The following C3orf52 variants were observed in gnomAD, a reference collection of about 807,000 sequenced individuals.
C3orf52 encodes the protein TPA-induced transmembrane protein.
In C3orf52, 22 loss-of-function variants were observed where a neutral mutation model predicts 24.8. That is an observed-to-expected ratio of 0.89 (90% CI 0.63 to 1.27). The LOEUF is 1.27. Ranked by LOEUF, C3orf52 falls within the 50% of genes most tolerant of loss-of-function variation. C3orf52 has a pLI of 0.00. For missense variants in C3orf52, 265 were observed against 260.7 expected (o/e 1.02, Z -0.11); for synonymous variants, 93 against 100.2 (o/e 0.93, Z 0.43).
rs1046734226 is a variant in C3orf52, at chr3:112,104,878, G to C, written c.396+1913G>C. Among the ~76,000 whole-genome samples the C allele has an allele frequency of 4.6e-5, 7 of 151,934 alleles. 1 individual carries two copies. The highest frequency in any genetic ancestry group is 4.6e-4 in the Admixed American group (7 of 15,254). On this transcript the variant is annotated intron_variant, in intron 3 of 5. Coordinates refer to ENST00000264848, the MANE Select transcript of C3orf52 (RefSeq NM_024616.3). ...TCCTTTCCTTCCACCTGCTTCCTGG[G>C]GCAAGTTGCTGAGTGAGACGCTTCT...
chr3:112,116,908 T>C lies in C3orf52; in HGVS notation c.*262T>C, dbSNP rs1351338297. 4.6e-6 allele frequency: 7 copies of C among 1,537,106 alleles called. No homozygotes were observed. The highest frequency in any genetic ancestry group is 6.1e-6 in the Non-Finnish European group (7 of 1,146,806). On this transcript the variant is annotated 3_prime_UTR_variant, in exon 6 of 6. Transcript: ENST00000264848. ...GGGTGGGGGCGATAGGGTCAGCGGG[T>C]ATGTCCCACTGTTGGAGGTCACTGG...
Position 112,123,427 on chromosome 3 carries a change from CT to C in C3orf52, c.*46+3866del, listed in dbSNP as rs571523011. The C allele has an allele frequency of 7.8e-4, 1,258 of 1,602,578 alleles. 16 individuals carry two copies. In the South Asian group the frequency reaches 0.013, roughly 17 times the overall value. On this transcript the variant is annotated intron_variant, in intron 4 of 4. Coordinates refer to the C3orf52 transcript ENST00000480282. ...CCATCCCACCTTTTATTTGTTGGTG[CT>C]AAACAAATGCTAGTCCAGCCACTTC...
At chr3:112,127,673 A>G (rs551535475) in intron 4 of C3orf52, among the ~76,000 whole-genome samples, 1 of 151,994 alleles carries the variant, frequency 6.6e-6, no homozygotes, top group Non-Finnish European at 1.5e-5. Flanking sequence ...TTATACTATC[A>G]CCCCGACTAT....
chr3:112,109,990 G>A (rs1033476126), intron 4 of C3orf52, among the ~76,000 whole-genome samples: 3 of 152,158 alleles, frequency 2.0e-5, no homozygotes, highest in Non-Finnish European at 4.4e-5. Context: ...TTGCTTTTGA[G>A]GAGCACAAGT....
At chr3:112,105,539 CGTGTGTGTGTGTGTGT>C (rs3082397) in intron 3 of C3orf52, among the ~76,000 whole-genome samples, 2 of 148,140 alleles carry the variant, frequency 1.4e-5, no homozygotes, top group African/African-American at 5.0e-5. Flanking sequence ...CTTCTTTGGC[CGTGTGTGTGTGTGTGT>C]GTGTGTGTGT....
In C3orf52 at chr3:112,113,034, T is replaced by C; in HGVS notation, c.538T>C (p.Tyr180His). ...ATCAGATGATGAAAATTTTATGAAG[T>C]ATATGATGAGTGAGGAGTTGGTGCT... is the stretch of plus-strand genomic sequence containing the variant. ...VPSDDENFMK[Y>H]MMSEELVLGI... The change falls in exon 5 of 6, where the codon TAT (tyrosine) becomes CAT (histidine). Residue 180 changes from tyrosine (Y) to histidine (H), a missense_variant. Physicochemically the swap from Tyr to His is moderately conservative, Grantham distance 83 (BLOSUM62 2). Transcript: ENST00000264848. 1 of 1,608,714 alleles carries C rather than the reference T, an allele frequency of 6.2e-7. No homozygotes were observed. The highest frequency in any genetic ancestry group is 1.1e-5 in the South Asian group (1 of 89,498).
downstream of C3orf52, chr3:112,132,601 T>C (rs2074483709): frequency 3.1e-6 from 3 of 968,340 alleles, no homozygotes; most frequent in Non-Finnish European, 3.7e-6. Flanking sequence ...TAAATCTGAG[T>C]TCTGTGCCTA....
Position 112,104,656 on chromosome 3 carries a change from C to T in C3orf52, c.396+1691C>T, listed in dbSNP as rs957842456. Among the ~76,000 whole-genome samples the T allele has an allele frequency of 5.4e-5, 8 of 149,306 alleles. No homozygotes were observed. The East Asian group carries it at 5.9e-4, about 11-fold the overall frequency. On this transcript the variant is annotated intron_variant, in intron 3 of 5. Transcript: ENST00000264848. Reference sequence around the variant, plus strand: ...TTTATTTATTTTTATTTTTTATTTCCGTAGGTTTTGGGGGACCAGGTGGTA... The same window carrying T: ...TTTATTTATTTTTATTTTTTATTTCTGTAGGTTTTGGGGGACCAGGTGGTA...
At position 112,109,579 on chromosome 3, in the gene C3orf52, C is replaced by A. The variant is rs373918440; in HGVS notation, c.433C>A (p.Arg145Ser). The A allele has an allele frequency of 1.1e-5, 17 of 1,602,358 alleles. No homozygotes were observed. The highest frequency in any genetic ancestry group is 6.7e-5 in the African/African-American group (5 of 74,640). ...DVYSTSPSLGRYFTSVEIVDF... is the reference protein window; with the variant it reads ...DVYSTSPSLGSYFTSVEIVDF... ...GTACAGTACATCGCCCTCTCTGGGT[C>A]GTTATTTTACTTCAGTTGAAATAGT... The change falls in exon 4 of 6, where the codon CGT becomes AGT. Residue 145 changes from arginine to serine, a missense_variant. Arg to Ser is a moderately radical substitution (Grantham distance 110, BLOSUM62 -1). Transcript: ENST00000264848.
intron 5 of C3orf52, among the ~76,000 whole-genome samples, chr3:112,113,420 A>G (rs1421860452): frequency 6.6e-6 from 1 of 152,182 alleles, no homozygotes; most frequent in Non-Finnish European, 1.5e-5. Flanking sequence ...ACATTGCTAC[A>G]TGTTTCCTCA....
At chr3:112,103,100 G>T in intron 3 of C3orf52, 135 bp downstream of exon 3, 2 of 743,196 alleles carry the variant, frequency 2.7e-6, no homozygotes, top group Non-Finnish European at 4.4e-6. Context: ...AGAAAATGAT[G>T]CTTATAAATA....
chr3:112,124,898 C>A (rs115323333), intron 4 of C3orf52, among the ~76,000 whole-genome samples: 2,286 of 152,180 alleles, frequency 0.015, 64 homozygotes, highest in African/African-American at 0.052. Flanking sequence ...TCTATAAAAT[C>A]GGGGGATGGG....
downstream of C3orf52, chr3:112,122,489 T>A (rs2074219058): frequency 6.6e-6 from 1 of 152,112 alleles, no homozygotes; most frequent in African/African-American, 2.4e-5. Context: ...AAGTAAATAA[T>A]CAGGACACAT....
chr3:112,127,771 T>C (rs1162793132), intron 4 of C3orf52, among the ~76,000 whole-genome samples: 1 of 152,220 alleles, frequency 6.6e-6, no homozygotes, highest in African/African-American at 2.4e-5. Context: ...TTTTCTACGT[T>C]AGTAGCTAGT....
At chr3:112,102,215 G>A (rs1344094382) in intron 2 of C3orf52, among the ~76,000 whole-genome samples, 2 of 152,154 alleles carry the variant, frequency 1.3e-5, no homozygotes, top group African/African-American at 2.4e-5. Context: ...TTGAGTCGAT[G>A]ATGTCACTTC....
At chr3:112,133,196 C>T, downstream of C3orf52, 1 of 1,523,594 alleles carries the variant, frequency 6.6e-7, no homozygotes, top group Non-Finnish European at 9.1e-7. Context: ...CAGGGCAACT[C>T]CTGACTTAAA....
chr3:112,089,529 C>CA lies in C3orf52; in HGVS notation c.138+3005dup, dbSNP rs56236834. On this transcript the variant is annotated intron_variant, in intron 1 of 5. Coordinates refer to ENST00000264848, the MANE Select transcript of C3orf52 (RefSeq NM_024616.3). ...GGGCAACAAGAGTGAAACTTCGTCT[C>CA]AAAAAAAAAAAAAAAAAAAAAGATT... is the stretch of plus-strand genomic sequence containing the variant. Among the ~76,000 whole-genome samples, 272 of 97,526 alleles carry CA rather than the reference C, an allele frequency of 2.8e-3. 3 individuals are homozygous for CA. The highest frequency in any genetic ancestry group is 9.1e-3 in the African/African-American group (240 of 26,320). 64.0% of individuals were successfully genotyped at this position (97,526 alleles called of 152,430 possible). A position where few individuals can be genotyped will look rare whatever the true frequency, so the allele number is the denominator to read the frequency against.
At chr3:112,124,418 G>A (rs528797393) in intron 4 of C3orf52, among the ~76,000 whole-genome samples, 41 of 152,102 alleles carry the variant, frequency 2.7e-4, no homozygotes, top group Non-Finnish European at 5.7e-4. Flanking sequence ...AGACCAGCCT[G>A]GCCAACATGG....
rs1007192318 is a variant in C3orf52, at chr3:112,126,941, T to C, written c.*47-1292T>C. 2.9e-5 allele frequency: 37 copies of C among 1,262,882 alleles called. 1 individual carries two copies. The allele number at this position is 1,262,882 out of a possible 1,614,324, so 78.2% of individuals were successfully genotyped here. A position where few individuals can be genotyped will look rare whatever the true frequency, so the allele number is the denominator to read the frequency against. On this transcript the variant is annotated intron_variant, in intron 4 of 4. Transcript: ENST00000480282. ...ACATAGAGAAGAAGTAGTTTGGAAATGTAAGTCTTATCAAAAGTGAAAATA... is the reference window on the plus strand; with the variant it reads ...ACATAGAGAAGAAGTAGTTTGGAAACGTAAGTCTTATCAAAAGTGAAAATA...
Sources: allele counts gnomAD v4.1 joint callset (sites outside exome capture counted in the v4.1 genomes callset), GRCh38; gene constraint gnomAD v4.1.1; transcripts MANE v1.5; gene names NCBI Gene and HGNC (gene_info 2026-07-23, HGNC 2026-07-21).